Variants in BTBD9 observed in about 807,000 individuals in gnomAD.
The protein encoded by BTBD9 is BTB/POZ domain-containing protein 9.
In BTBD9, 49 loss-of-function variants were observed where a neutral mutation model predicts 64.3. That is an observed-to-expected ratio of 0.76 (90% confidence interval 0.61 to 0.97). The LOEUF (loss-of-function observed/expected upper bound fraction) is 0.97. Ranked by LOEUF, BTBD9 falls within the 50% of genes least tolerant of loss-of-function variation. BTBD9 has a pLI of 0.00. For synonymous variants in BTBD9, 260 were observed against 274.7 expected (o/e 0.95, Z 0.53); for missense variants, 598 against 762.1 (o/e 0.78, Z 2.53).
chr6:38,235,689 C>T (rs923046911), intron 9 of BTBD9, among the ~76,000 whole-genome samples: 1 of 152,184 alleles, frequency 6.6e-6, no homozygotes, highest in Admixed American at 6.5e-5. Context: ...AGGAATGACA[C>T]AATAACACAG....
chr6:38,343,769 C>T (rs1764185466), intron 7 of BTBD9, among the ~76,000 whole-genome samples: 1 of 152,120 alleles, frequency 6.6e-6, no homozygotes. Context: ...CAGTTGAGCT[C>T]TAAACACTCT....
chr6:38,354,578 GA>G (rs568142015), intron 6 of BTBD9, among the ~76,000 whole-genome samples: 138 of 152,192 alleles, frequency 9.1e-4, no homozygotes, highest in South Asian at 8.5e-3. Context: ...AGAACTACTT[GA>G]AATGTATTGA....
At chr6:38,202,977 T>C (rs1266792897) in intron 9 of BTBD9, among the ~76,000 whole-genome samples, 1 of 152,016 alleles carries the variant, frequency 6.6e-6, no homozygotes, top group Non-Finnish European at 1.5e-5. Flanking sequence ...ATATCCAGAA[T>C]GTACAAATAA....
chr6:38,629,605 C>T (rs1030728557), intron 1 of BTBD9, among the ~76,000 whole-genome samples: 20 of 151,884 alleles, frequency 1.3e-4, no homozygotes, highest in African/African-American at 4.6e-4. Flanking sequence ...AGGAGGATCA[C>T]GAGGTCAAGA....
intron 6 of BTBD9, among the ~76,000 whole-genome samples, chr6:38,505,772 C>T (rs1772457701): frequency 6.6e-6 from 1 of 151,634 alleles, no homozygotes; most frequent in Non-Finnish European, 1.5e-5. Flanking sequence ...CGAGACCAGA[C>T]TGGCCAATAT....
chr6:38,322,594 T>G (rs936696357), intron 7 of BTBD9, among the ~76,000 whole-genome samples: 1 of 152,114 alleles, frequency 6.6e-6, no homozygotes, highest in African/African-American at 2.4e-5. Flanking sequence ...GAGGGTACAG[T>G]GAGGAATAAT....
At chr6:38,378,474 G>A (rs934128614) in intron 6 of BTBD9, among the ~76,000 whole-genome samples, 1 of 150,418 alleles carries the variant, frequency 6.6e-6, no homozygotes, top group Non-Finnish European at 1.5e-5. Flanking sequence ...GACCTCAGAC[G>A]ATCTGCCCAC....
At chr6:38,609,147 A>G (rs1777528685) in intron 1 of BTBD9, among the ~76,000 whole-genome samples, 1 of 152,128 alleles carries the variant, frequency 6.6e-6, no homozygotes, top group Admixed American at 6.6e-5. Flanking sequence ...GAACAGAAAA[A>G]GCTTAGGCAA....
chr6:38,295,473 C>T (rs1193221643), intron 7 of BTBD9, among the ~76,000 whole-genome samples: 1 of 152,102 alleles, frequency 6.6e-6, no homozygotes, highest in African/African-American at 2.4e-5. Context: ...GCAAACTTTT[C>T]CTTTCTTGTT....
At chr6:38,423,668 A>G (rs1342391951) in intron 6 of BTBD9, among the ~76,000 whole-genome samples, 1 of 152,244 alleles carries the variant, frequency 6.6e-6, no homozygotes, top group East Asian at 1.9e-4. Flanking sequence ...ACAGGTTATT[A>G]TAAGTAAATC....
chr6:38,259,215 T>C (rs911138738), intron 8 of BTBD9, among the ~76,000 whole-genome samples: 1 of 152,232 alleles, frequency 6.6e-6, no homozygotes, highest in Non-Finnish European at 1.5e-5. Context: ...AGTTTACATA[T>C]CTGGTTCACA....
intron 6 of BTBD9, among the ~76,000 whole-genome samples, chr6:38,375,673 C>T (rs1765651295): frequency 6.6e-6 from 1 of 152,122 alleles, no homozygotes; most frequent in South Asian, 2.1e-4. Context: ...TCAAAGAAGA[C>T]AAGGTCTGTG....
intron 1 of BTBD9, among the ~76,000 whole-genome samples, chr6:38,618,765 T>A (rs1390522141): frequency 6.6e-6 from 1 of 152,198 alleles, no homozygotes; most frequent in Non-Finnish European, 1.5e-5. Context: ...TCAGCCTCAC[T>A]TAGGGAGATG....
intron 6 of BTBD9, among the ~76,000 whole-genome samples, chr6:38,529,711 TCTTTA>T (rs931400815): frequency 2.0e-5 from 3 of 152,220 alleles, no homozygotes; most frequent in Admixed American, 1.3e-4. Context: ...CTTATGCCTG[TCTTTA>T]CTTTAATCTC....
At chr6:38,551,510 T>C (rs1407778317) in intron 6 of BTBD9, among the ~76,000 whole-genome samples, 1 of 152,230 alleles carries the variant, frequency 6.6e-6, no homozygotes, top group Non-Finnish European at 1.5e-5. Context: ...CTTATGCAAT[T>C]TAAACATCAT....
At chr6:38,266,922 A>G (rs1765030133) in intron 8 of BTBD9, among the ~76,000 whole-genome samples, 1 of 152,226 alleles carries the variant, frequency 6.6e-6, no homozygotes, top group African/African-American at 2.4e-5. Flanking sequence ...CACACTAGGC[A>G]GGTATGCAGC....
intron 6 of BTBD9, among the ~76,000 whole-genome samples, chr6:38,564,806 C>T (rs1053652329): frequency 6.6e-6 from 1 of 151,938 alleles, no homozygotes. Context: ...GCAGGAGAAT[C>T]GCATGAACCC....
intron 9 of BTBD9, among the ~76,000 whole-genome samples, chr6:38,202,940 G>T (rs147304635): frequency 6.6e-6 from 1 of 152,030 alleles, no homozygotes; most frequent in Non-Finnish European, 1.5e-5. Flanking sequence ...GAAAATACCC[G>T]CAAACTATTC....
rs150713039 is a variant in BTBD9 at position 38,403,328 on chromosome 6, CATATGT to C, written c.1155-58241_1155-58236del. Among the ~76,000 whole-genome samples, 516 of 152,210 alleles carry C rather than the reference CATATGT, an allele frequency of 3.4e-3. 2 individuals carry two copies. Among genetic ancestry groups the C allele is most frequent in the African/African-American group, 0.012 (502 of 41,520 alleles). On this transcript the variant is annotated intron_variant, in intron 6 of 10. Coordinates refer to ENST00000481247, the MANE Select transcript of BTBD9 (RefSeq NM_001099272.2). ...CTGATAGGGTTCTGGTAATTATATA[CATATGT>C]ATATCTTAAAACTCAACAATTTTAA...
Sources: allele counts gnomAD v4.1 joint callset (sites outside exome capture counted in the v4.1 genomes callset), GRCh38; gene constraint gnomAD v4.1.1; transcripts MANE v1.5; gene names NCBI Gene and HGNC (gene_info 2026-07-23, HGNC 2026-07-21).